The following EXOC1 variants were observed in gnomAD, a reference collection of about 807,000 sequenced individuals.
EXOC1 encodes the protein SEC3-like 1.
In EXOC1, 67 loss-of-function variants were observed where a neutral mutation model predicts 107.7. That is an observed-to-expected ratio of 0.62 (90% confidence interval 0.51 to 0.76). EXOC1 has a LOEUF of 0.76. Ranked by LOEUF, EXOC1 falls within the 30% of genes least tolerant of loss-of-function variation. EXOC1 has a pLI of 0.00. For missense variants in EXOC1, 833 were observed against 1,055.7 expected (o/e 0.79, Z 2.92); for synonymous variants, 348 against 353.5 (o/e 0.98, Z 0.17).
Position 55,860,486 on chromosome 4 carries a change from A to G in EXOC1, c.200A>G (p.Gln67Arg), listed in dbSNP as rs1721371788. 2 of 1,614,116 alleles carry G rather than the reference A, an allele frequency of 1.2e-6. No homozygotes were observed. Among genetic ancestry groups the G allele is most frequent in the South Asian group, 2.2e-5 (2 of 91,090 alleles). The part of the protein sequence containing the change: ...KSDKGDFYKR[Q>R]IAWALRDLAV... ...GATAAGGGAGATTTCTACAAAAGGC[A>G]GATTGCATGGGCCCTTCGAGATCTT... Residue 67 changes from glutamine to arginine, a missense_variant, in exon 3 of 19, where the codon CAG becomes CGG. Gln to Arg is a conservative substitution (Grantham distance 43). Transcript: ENST00000381295.
chr4:55,900,384 A>G (rs1725757901), intron 17 of EXOC1, among the ~76,000 whole-genome samples: 1 of 152,192 alleles, frequency 6.6e-6, no homozygotes, highest in Non-Finnish European at 1.5e-5. Flanking sequence ...AGAAAAACCA[A>G]AAATTGCTTT....
rs772968512 is a variant in EXOC1 at position 55,860,498 on chromosome 4, C to G, written c.212C>G (p.Ala71Gly). Residue 71 changes from alanine (A) to glycine (G), a missense_variant, in exon 3 of 19, where the codon GCC becomes GGC. Coordinates refer to ENST00000381295, the MANE Select transcript of EXOC1 (RefSeq NM_001024924.2). The stretch of plus-strand genomic sequence containing the variant: ...TTCTACAAAAGGCAGATTGCATGGG[C>G]CCTTCGAGATCTTGCTGTGGTAGAT... ...GDFYKRQIAW[A>G]LRDLAVVDAK... is the part of the protein sequence containing the mutation. 4 of 1,613,998 alleles carry G rather than the reference C, an allele frequency of 2.5e-6. No individual in the cohort carries two copies. In the East Asian group the frequency reaches 6.7e-5, roughly 27 times the overall value.
chr4:55,871,868 A>G lies in EXOC1; in HGVS notation c.984A>G (p.Ala328=), dbSNP rs777840074. The G allele has an allele frequency of 1.9e-6, 3 of 1,613,698 alleles. No individual in the cohort carries two copies. Among genetic ancestry groups the G allele is most frequent in the Non-Finnish European group, 2.5e-6 (3 of 1,179,808 alleles). The change falls in exon 8 of 19, where the codon GCA becomes GCG. Residue 328 remains alanine, a synonymous_variant. Coordinates refer to ENST00000381295, the MANE Select transcript of EXOC1 (RefSeq NM_001024924.2). The part of the protein sequence containing the change: ...ALRPGHDLLL[A]VKQQQQRFSD... ...TGTCAGGCCATGACTTGCTTCTGGCAGTCAAACAGCAACAGCAGCGATTCA... is the reference window on the plus strand; with the variant it reads ...TGTCAGGCCATGACTTGCTTCTGGCGGTCAAACAGCAACAGCAGCGATTCA...
At position 55,864,331 on chromosome 4, in the gene EXOC1, G is replaced by C. The variant is rs777722988; in HGVS notation, c.360G>C (p.Gln120His). 6.2e-7 allele frequency: 1 copy of C among 1,611,110 alleles called. No individual in the cohort carries two copies. The highest frequency in any genetic ancestry group is 2.2e-5 in the East Asian group (1 of 44,666). ...AFISCIWKLN[Q>H]RYLRKKIDFV... The stretch of plus-strand genomic sequence containing the variant: ...TTTCATGCATTTGGAAATTGAATCA[G>C]CGATATCTCCGGAAGAAAATTGATT... Residue 120 changes from glutamine (Q) to histidine (H), a missense_variant, in exon 4 of 19, where the codon CAG becomes CAC. Gln to His is a conservative substitution (Grantham distance 24, BLOSUM62 0). Coordinates refer to ENST00000381295, the MANE Select transcript of EXOC1 (RefSeq NM_001024924.2).
intron 10 of EXOC1, 102 bp downstream of exon 10, chr4:55,884,030 A>G: frequency 1.3e-6 from 1 of 798,916 alleles, no homozygotes; most frequent in South Asian, 1.9e-5. Context: ...TAGATCCAGC[A>G]GAATTTATGA....
At chr4:55,854,341 C>T (rs1183407716) in intron 1 of EXOC1, among the ~76,000 whole-genome samples, 3 of 152,186 alleles carry the variant, frequency 2.0e-5, no homozygotes, top group Admixed American at 2.0e-4. Context: ...ATTTGTCACA[C>T]AGTGTGGTGG....
intron 1 of EXOC1, among the ~76,000 whole-genome samples, chr4:55,858,076 T>G (rs1380982986): frequency 6.6e-6 from 1 of 152,022 alleles, no homozygotes; most frequent in East Asian, 1.9e-4. Flanking sequence ...TTCTTAAATC[T>G]TGTGTGTGTG....
rs763362784 is a variant in EXOC1, at chr4:55,864,212, A to G, written c.256-15A>G. 1.6e-5 allele frequency: 23 copies of G among 1,442,620 alleles called. No homozygotes were observed. In the Middle Eastern group the frequency reaches 2.0e-3, roughly 126 times the overall value. The allele number at this position is 1,442,620 out of a possible 1,614,324, so 89.4% of individuals were successfully genotyped here. On this transcript the variant is annotated splice_polypyrimidine_tract_variant and intron_variant, in intron 3 of 18. Coordinates refer to ENST00000381295, the MANE Select transcript of EXOC1 (RefSeq NM_001024924.2). The stretch of plus-strand genomic sequence containing the variant: ...TGTGATCAAAAATAATATCTTTTGT[A>G]TATTTTTATTTTAGGAAAATCCTGA...
At chr4:55,867,351 T>C (rs898156209) in intron 4 of EXOC1, among the ~76,000 whole-genome samples, 5 of 152,198 alleles carry the variant, frequency 3.3e-5, no homozygotes, top group African/African-American at 9.6e-5. Flanking sequence ...GTATTTCAGG[T>C]CATGCTGAAT....
intron 17 of EXOC1, chr4:55,900,542 C>T (rs944081546): frequency 6.6e-6 from 1 of 152,010 alleles, no homozygotes; most frequent in Non-Finnish European, 1.5e-5. Flanking sequence ...TTTAAACTAA[C>T]TTTGTCTGCA....
At chr4:55,868,234 C>A in intron 4 of EXOC1, 102 bp from the exon 5 acceptor site, 1 of 860,526 alleles carries the variant, frequency 1.2e-6, no homozygotes, top group Non-Finnish European at 1.6e-6. Flanking sequence ...TTTTCAGCTG[C>A]TAAATGTGAC....
intron 9 of EXOC1, chr4:55,883,225 T>A (rs185647282): frequency 6.6e-6 from 1 of 152,286 alleles, no homozygotes; most frequent in African/African-American, 2.4e-5. Context: ...TAAATATTCT[T>A]AAGTGCCATT....
intron 10 of EXOC1, among the ~76,000 whole-genome samples, chr4:55,887,557 T>C (rs928232220): frequency 6.6e-6 from 1 of 152,046 alleles, no homozygotes; most frequent in African/African-American, 2.4e-5. Context: ...TTATAATTAA[T>C]AGGCACTACT....
chr4:55,875,651 T>C (rs778440269), intron 8 of EXOC1: 4 of 985,268 alleles, frequency 4.1e-6, no homozygotes, highest in Non-Finnish European at 4.8e-6. Flanking sequence ...TGAGAAAAAT[T>C]AATGAGGAAG....
At chr4:55,879,614 G>C (rs1210094354) in intron 9 of EXOC1, among the ~76,000 whole-genome samples, 2 of 152,140 alleles carry the variant, frequency 1.3e-5, no homozygotes, top group African/African-American at 4.8e-5. Context: ...AGCCATTGTA[G>C]CAGGAAGCCA....
At position 55,899,904 on chromosome 4, in the gene EXOC1, G is replaced by A. The variant is rs535384254; in HGVS notation, c.2337+20G>A. 5.7e-6 allele frequency: 9 copies of A among 1,589,884 alleles called. No individual in the cohort carries two copies. The African/African-American group carries it at 9.5e-5, about 17-fold the overall frequency. ...CTAAATGTAAATATATTTTCATTCA[G>A]TATTTTTCCTACTTTTGAACCTATA... On this transcript the variant is annotated intron_variant, in intron 17 of 18. Transcript: ENST00000381295.
intron 18 of EXOC1, among the ~76,000 whole-genome samples, chr4:55,903,147 TAAAA>T (rs10544843): frequency 3.0e-5 from 3 of 98,512 alleles, no homozygotes; most frequent in Admixed American, 1.1e-4. Flanking sequence ...GTGTCTCAAT[TAAAA>T]AAAAAAAAAA....
chr4:55,902,600 A>G, intron 18 of EXOC1, 62 bp downstream of exon 18: 1 of 1,307,608 alleles, frequency 7.6e-7, no homozygotes, highest in African/African-American at 1.5e-5. Flanking sequence ...TTTTCTTTAA[A>G]TAATTTTCTA....
intron 8 of EXOC1, 39 bp from the exon 9 acceptor site, chr4:55,877,878 C>T (rs1193352440): frequency 1.2e-6 from 2 of 1,608,048 alleles, no homozygotes; most frequent in East Asian, 2.2e-5. Context: ...TTTCTTTGTA[C>T]TGTTGATTAC....
Sources: allele counts gnomAD v4.1 joint callset (sites outside exome capture counted in the v4.1 genomes callset), GRCh38; gene constraint gnomAD v4.1.1; transcripts MANE v1.5; gene names NCBI Gene and HGNC (gene_info 2026-07-23, HGNC 2026-07-21).